The following CYP24A1 variants were observed in gnomAD, a reference collection of about 807,000 sequenced individuals.
CYP24A1 encodes the protein 1,25-dihydroxyvitamin D(3) 24-hydroxylase, mitochondrial.
Under a neutral mutation model 62.4 loss-of-function variants are expected in CYP24A1, and 68 were observed. That is an observed-to-expected ratio of 1.09 (90% CI 0.90 to 1.33). The LOEUF (loss-of-function observed/expected upper bound fraction) is 1.33. Among genes scored for constraint, CYP24A1 ranks in the 40% most tolerant of loss-of-function variants. The probability of loss-of-function intolerance (pLI) is 0.00; values close to 1 mark genes in which losing one functional copy is unlikely to be tolerated. For synonymous variants in CYP24A1, 267 were observed against 253.0 expected, an observed-to-expected ratio of 1.06 and a Z score of -0.52; for missense variants, 787 against 653.0, an observed-to-expected ratio of 1.21 and a Z score of -2.24.
At position 54,158,075 on chromosome 20, in the gene CYP24A1, A is replaced by G; in HGVS notation, c.1236+11T>C. ...GTTTTGTAAGGTATAGAATATACAA[A>G]TTCTACTTACTCCTTTGGGTAAAGC... On this transcript the variant is annotated intron_variant, in intron 9 of 11. Coordinates refer to ENST00000216862, the MANE Select transcript of CYP24A1 (RefSeq NM_000782.5). The G allele has an allele frequency of 6.2e-7, 1 of 1,613,320 alleles. No individual in the cohort carries two copies. The highest frequency in any genetic ancestry group is 8.5e-7 in the Non-Finnish European group (1 of 1,179,832).
At chr20:54,145,396 G>C in the CYP24A1 span, among the ~76,000 whole-genome samples, 2 of 151,974 alleles carry the variant, frequency 1.3e-5, no homozygotes, top group Admixed American at 1.3e-4. Context: ...CAGCTACGTT[G>C]TTTCTCTATA....
At chr20:54,144,929 A>C in the CYP24A1 span, among the ~76,000 whole-genome samples, 2 of 152,178 alleles carry the variant, frequency 1.3e-5, no homozygotes, top group African/African-American at 2.4e-5. Flanking sequence ...TGGAGATAAA[A>C]TGTTATTTCA....
chr20:54,152,175 G>A (rs1437107352), downstream of CYP24A1, among the ~76,000 whole-genome samples: 1 of 152,172 alleles, frequency 6.6e-6, no homozygotes, highest in South Asian at 2.1e-4. Context: ...GGCACCTGCA[G>A]CCTTCTTCAA....
downstream of CYP24A1, among the ~76,000 whole-genome samples, chr20:54,151,739 T>C (rs1233197159): frequency 6.6e-6 from 1 of 152,010 alleles, no homozygotes; most frequent in African/African-American, 2.4e-5. Context: ...ATTTTTTGTA[T>C]TTTTAGTAGA....
intron 7 of CYP24A1, among the ~76,000 whole-genome samples, chr20:54,159,993 G>C (rs2092644492): frequency 6.6e-6 from 1 of 152,140 alleles, no homozygotes; most frequent in Admixed American, 6.5e-5. Flanking sequence ...TGATCCTCAG[G>C]GTGTTGCTAA....
At chr20:54,169,515 AG>A (rs1211233123) in intron 4 of CYP24A1, 76 bp downstream of exon 4, 1 of 1,608,154 alleles carries the variant, frequency 6.2e-7, no homozygotes, top group Admixed American at 1.7e-5. Context: ...TGTTTACAAA[AG>A]AGTTGTCAAA....
At chr20:54,164,403 A>T in intron 6 of CYP24A1, 49 bp downstream of exon 6, 1 of 1,613,582 alleles carries the variant, frequency 6.2e-7, no homozygotes, top group Non-Finnish European at 8.5e-7. Flanking sequence ...AGCTCCAGAC[A>T]CGGGGGTGCT....
At chr20:54,147,637 C>A in the CYP24A1 span, among the ~76,000 whole-genome samples, 1 of 152,224 alleles carries the variant, frequency 6.6e-6, no homozygotes, top group African/African-American at 2.4e-5. Flanking sequence ...GAGAATTCAT[C>A]ATGTACCAGA....
chr20:54,165,349 C>T (rs2092667709), intron 5 of CYP24A1, among the ~76,000 whole-genome samples: 2 of 152,250 alleles, frequency 1.3e-5, no homozygotes, highest in Non-Finnish European at 2.9e-5. Context: ...CACTGTCTCC[C>T]ATCACCCCCA....
At chr20:54,165,977 G>T in intron 4 of CYP24A1, 144 bp from the exon 5 acceptor site, 19 of 688,240 alleles carry the variant, frequency 2.8e-5, no homozygotes, top group Admixed American at 1.2e-4. Context: ...AGAATATTGA[G>T]GAAAAGCAGA....
intron 5 of CYP24A1, among the ~76,000 whole-genome samples, chr20:54,165,160 C>A (rs76151159): frequency 5.3e-5 from 8 of 152,244 alleles, no homozygotes; most frequent in Admixed American, 2.6e-4. Context: ...CTGTTAGGAA[C>A]GGGGCCGCGC....
chr20:54,173,143 G>C lies in CYP24A1; in HGVS notation c.259-44C>G, dbSNP rs1440754754. On this transcript the variant is annotated intron_variant, in intron 1 of 11. Transcript: ENST00000216862. This position sits in a 1 kb window ranked among gnomAD's most constrained non-coding sequence, Gnocchi z 7.2. The stretch of plus-strand genomic sequence containing the variant: ...AGCGCGGTGTCAGCGCGCATCCTCC[G>C]CCGTGCCCGAAGCGCTTTCCCTCCT... The C allele has an allele frequency of 1.3e-6, 2 of 1,594,480 alleles. No individual in the cohort carries two copies. The highest frequency in any genetic ancestry group is 1.7e-6 in the Non-Finnish European group (2 of 1,173,890).
rs776370685 is a variant in CYP24A1, at chr20:54,157,558, A to G, written c.1264T>C (p.Leu422=). ...GTVLMLNTQV[L]GSSEDNFEDS... The stretch of plus-strand genomic sequence containing the variant: ...TCAAAATTGTCTTCACTGGATCCCA[A>G]CACCTGGGTATTTAGCATGAGCACT... Residue 422 remains leucine, a synonymous_variant, in exon 10 of 12, where the codon TTG becomes CTG. Transcript: ENST00000216862. The G allele has an allele frequency of 6.3e-6, 10 of 1,597,050 alleles. No homozygotes were observed. Among genetic ancestry groups the G allele is most frequent in the East Asian group, 2.2e-5 (1 of 44,834 alleles).
At chr20:54,156,116 A>C (rs1297259534) in intron 11 of CYP24A1, among the ~76,000 whole-genome samples, 2 of 152,234 alleles carry the variant, frequency 1.3e-5, no homozygotes. Context: ...GCATAACACA[A>C]ACCTAGACCC....
At chr20:54,167,815 C>A (rs188494104) in intron 4 of CYP24A1, among the ~76,000 whole-genome samples, 1 of 152,134 alleles carries the variant, frequency 6.6e-6, no homozygotes, top group Non-Finnish European at 1.5e-5. Context: ...CTATTTATGG[C>A]AATATTTCTG....
rs191007716 is a variant in CYP24A1 at position 54,160,046 on chromosome 20, A to G, written c.991-923T>C. Among the ~76,000 whole-genome samples the G allele has an allele frequency of 3.9e-5, 6 of 152,354 alleles. No homozygotes were observed. The East Asian group carries it at 1.2e-3, about 29-fold the overall frequency. On this transcript the variant is annotated intron_variant, in intron 7 of 11. Coordinates refer to ENST00000216862, the MANE Select transcript of CYP24A1 (RefSeq NM_000782.5). ...ATGTTATAGTGGAAATGGACAATAAATGGCATTTCTGAAATTTAAAAGTTC... is the reference window on the plus strand; with the variant it reads ...ATGTTATAGTGGAAATGGACAATAAGTGGCATTTCTGAAATTTAAAAGTTC...
At chr20:54,164,711 G>C in intron 5 of CYP24A1, 148 bp from the exon 6 acceptor site, 1 of 1,483,506 alleles carries the variant, frequency 6.7e-7, no homozygotes, top group African/African-American at 1.4e-5. Context: ...TCTCTGCACC[G>C]GTCCTGGGAG....
rs1568975937 is a variant in CYP24A1, at chr20:54,172,987, G to A, written c.371C>T (p.Ala124Val). ...TTTGATCTCCAGCCGCTGCGGGTAC[G>A]CGCTCTCGGTGCGGTACAGCGCTTC... The part of the protein sequence containing the change: ...LLEALYRTES[A>V]YPQRLEIKPW... The change falls in exon 2 of 12, where the codon GCG becomes GTG. Residue 124 changes from alanine to valine, a missense_variant. Transcript: ENST00000216862. 2.5e-6 allele frequency: 4 copies of A among 1,612,790 alleles called. No homozygotes were observed. In the Admixed American group the frequency reaches 6.7e-5, roughly 27 times the overall value.
intron 4 of CYP24A1, among the ~76,000 whole-genome samples, chr20:54,168,642 G>T (rs973496444): frequency 1.2e-4 from 18 of 152,052 alleles, no homozygotes; most frequent in African/African-American, 4.3e-4. Flanking sequence ...AAAAAGACTT[G>T]CCCCTCTTTC....
Sources: gnomAD v4.1 joint callset for allele counts (sites outside exome capture counted in the v4.1 genomes callset) on GRCh38, gnomAD v4.1.1 for gene constraint, Gnocchi (gnomAD v3.1) non-coding constraint, MANE v1.5 for transcripts, NCBI Gene and HGNC (gene_info 2026-07-23, HGNC 2026-07-21) for gene names.